TMEM131L: variants seen among roughly 807,000 people sequenced by gnomAD.
The protein encoded by TMEM131L is transmembrane protein 131-like.
In TMEM131L, 54 loss-of-function variants were observed where a neutral mutation model predicts 192.2. The ratio of observed to expected loss-of-function variants is 0.28; its 90% confidence interval spans 0.23 to 0.35. The LOEUF (loss-of-function observed/expected upper bound fraction) is 0.35, where lower values mean the gene tolerates loss of function less well. TMEM131L is among the 10% of genes least tolerant of loss of function. The probability of loss-of-function intolerance (pLI) is 1.00; values close to 1 mark genes in which losing one functional copy is unlikely to be tolerated. For missense variants in TMEM131L, 1,888 were observed against 1,972.9 expected (o/e 0.96, Z 0.82); for synonymous variants, 701 against 704.9 (o/e 0.99, Z 0.09).
chr4:153,594,856 C>T (rs1024106495), intron 19 of TMEM131L, among the ~76,000 whole-genome samples: 1 of 152,128 alleles, frequency 6.6e-6, no homozygotes, highest in African/African-American at 2.4e-5. Flanking sequence ...TTCTCATTTT[C>T]TCCACCAGGA....
chr4:153,480,119 C>G (rs1226978916), intron 3 of TMEM131L, among the ~76,000 whole-genome samples: 2 of 152,138 alleles, frequency 1.3e-5, no homozygotes, highest in Non-Finnish European at 2.9e-5. Context: ...GCGGGCAGAT[C>G]AGGAGGTCAG....
intron 3 of TMEM131L, among the ~76,000 whole-genome samples, chr4:153,531,127 A>C: frequency 6.6e-6 from 1 of 152,196 alleles, no homozygotes; most frequent in East Asian, 1.9e-4. Context: ...GTGGTTCCCA[A>C]ATGCATGTAC....
chr4:153,534,605 T>G (rs1736169473), intron 3 of TMEM131L, among the ~76,000 whole-genome samples: 1 of 152,128 alleles, frequency 6.6e-6, no homozygotes, highest in Non-Finnish European at 1.5e-5. Flanking sequence ...GGCTAATTTT[T>G]TGTATTTTTA....
chr4:153,482,813 G>C (rs1002641427), intron 3 of TMEM131L, among the ~76,000 whole-genome samples: 6 of 152,068 alleles, frequency 3.9e-5, no homozygotes, highest in African/African-American at 1.4e-4. Flanking sequence ...TGCCCACACT[G>C]TTCTCTAACT....
At chr4:153,565,956 T>A (rs1380636116) in intron 7 of TMEM131L, among the ~76,000 whole-genome samples, 1 of 152,188 alleles carries the variant, frequency 6.6e-6, no homozygotes, top group Admixed American at 6.5e-5. Context: ...TTGGGGAGTG[T>A]TTCAGTGACT....
At chr4:153,615,587 C>T (rs1732921638) in intron 26 of TMEM131L, among the ~76,000 whole-genome samples, 1 of 152,140 alleles carries the variant, frequency 6.6e-6, no homozygotes, top group African/African-American at 2.4e-5. Context: ...CTTTCAGGAG[C>T]AGAAATAGTC....
intron 7 of TMEM131L, among the ~76,000 whole-genome samples, chr4:153,576,922 G>T (rs1037086188): frequency 2.6e-5 from 4 of 152,102 alleles, no homozygotes; most frequent in Non-Finnish European, 5.9e-5. Context: ...GCTGTTTATT[G>T]AGTGCTGATG....
chr4:153,621,578 C>A, intron 27 of TMEM131L, 105 bp from the exon 28 acceptor site: 1 of 1,157,792 alleles, frequency 8.6e-7, no homozygotes, highest in Non-Finnish European at 1.2e-6. Context: ...CTCCTATTGT[C>A]CCAGATTCAT....
At chr4:153,542,484 CA>C (rs1222475115) in intron 3 of TMEM131L, among the ~76,000 whole-genome samples, 19 of 152,216 alleles carry the variant, frequency 1.2e-4, no homozygotes, top group Admixed American at 1.2e-3. Flanking sequence ...CATTCCCATT[CA>C]GCCACCCCAC....
In TMEM131L at chr4:153,516,824, T is replaced by TTTA. The variant is rs559280302; in HGVS notation, c.240-33237_240-33235dup. ...TTGTTCATCTTTTAAATTTTATTTATTTATTATTATTATTCTTTTGAGACG... is the reference window on the plus strand; with the variant it reads ...TTGTTCATCTTTTAAATTTTATTTATTTATTATTATTATTATTCTTTTGAGACG... On this transcript the variant is annotated intron_variant, in intron 3 of 34. Coordinates refer to ENST00000409959, the MANE Select transcript of TMEM131L (RefSeq NM_001131007.2). Among the ~76,000 whole-genome samples the TTTA allele has an allele frequency of 8.5e-5, 13 of 152,180 alleles. No individual in the cohort carries two copies. In the East Asian group the frequency reaches 2.5e-3, roughly 29 times the overall value.
intron 2 of TMEM131L, among the ~76,000 whole-genome samples, chr4:153,468,544 C>T (rs764576381): frequency 2.0e-5 from 3 of 152,094 alleles, no homozygotes; most frequent in Non-Finnish European, 4.4e-5. Flanking sequence ...ACTGCAAGAA[C>T]GACATTTAAC....
intron 3 of TMEM131L, among the ~76,000 whole-genome samples, chr4:153,477,705 T>C (rs929481941): frequency 6.6e-6 from 1 of 152,198 alleles, no homozygotes; most frequent in Admixed American, 6.5e-5. Flanking sequence ...TAAAAATGAA[T>C]TAAAGTTTCA....
At position 153,634,273 on chromosome 4, in the gene TMEM131L, T is replaced by A; in HGVS notation, c.4410T>A (p.Phe1470Leu). ...TGGAATTGAACGATTACAATGCCTT[T>A]CCAGAAGGTAAGGGCTCTTCAGACA... Reference protein sequence around the residue: ...CPLELNDYNAFPEENMNYANG... With the variant: ...CPLELNDYNALPEENMNYANG... Residue 1470 changes from phenylalanine to leucine, a missense_variant, in exon 33 of 35, where the codon TTT (phenylalanine) becomes TTA (leucine). By Grantham distance (22) the Phe-to-Leu change is conservative (BLOSUM62 0). Coordinates refer to ENST00000409959, the MANE Select transcript of TMEM131L (RefSeq NM_001131007.2). The A allele has an allele frequency of 1.2e-6, 2 of 1,612,606 alleles. No homozygotes were observed. The highest frequency in any genetic ancestry group is 1.7e-6 in the Non-Finnish European group (2 of 1,178,764).
At chr4:153,597,260 C>T (rs1731506988) in intron 20 of TMEM131L, among the ~76,000 whole-genome samples, 1 of 144,890 alleles carries the variant, frequency 6.9e-6, no homozygotes, top group Non-Finnish European at 1.5e-5. Flanking sequence ...TAATTTTTTT[C>T]TTTTTTTAAT....
At chr4:153,623,150 C>T in intron 29 of TMEM131L, 67 bp downstream of exon 29, 1 of 1,397,994 alleles carries the variant, frequency 7.2e-7, no homozygotes. Context: ...CGTACCCAGT[C>T]CACACAGTCT....
chr4:153,506,430 A>G (rs1733987123), intron 3 of TMEM131L, among the ~76,000 whole-genome samples: 1 of 152,240 alleles, frequency 6.6e-6, no homozygotes, highest in South Asian at 2.1e-4. Context: ...TCAGGTATCA[A>G]GAATAGAGAA....
rs1187580986 is a variant in TMEM131L at position 153,628,885 on chromosome 4, C to T, written c.4207+1198C>T. Among the ~76,000 whole-genome samples, 7 of 152,276 alleles carry T rather than the reference C, an allele frequency of 4.6e-5. No homozygotes were observed. The East Asian group carries it at 1.4e-3, about 29-fold the overall frequency. ...GTGTGTGTACTTCAAGTGCCTTTAC[C>T]TTGGCCCCACTGACAGAGTACATCT... On this transcript the variant is annotated intron_variant, in intron 31 of 34. Coordinates refer to ENST00000409959, the MANE Select transcript of TMEM131L (RefSeq NM_001131007.2).
chr4:153,636,276 T>G, intron 34 of TMEM131L, 25 bp from the exon 35 acceptor site: 3 of 1,586,570 alleles, frequency 1.9e-6, no homozygotes, highest in South Asian at 1.1e-5. Context: ...TTTAACTTAT[T>G]TTTCCTTCCT....
intron 17 of TMEM131L, 65 bp from the exon 18 acceptor site, chr4:153,592,410 C>A (rs939605303): frequency 2.9e-5 from 31 of 1,075,698 alleles, no homozygotes; most frequent in Middle Eastern, 2.0e-4. Context: ...GCTTTTTGGC[C>A]AGAATATCTC....
Sources: gnomAD v4.1 joint callset for allele counts (sites outside exome capture counted in the v4.1 genomes callset) on GRCh38, gnomAD v4.1.1 for gene constraint, MANE v1.5 for transcripts, NCBI Gene and HGNC (gene_info 2026-07-23, HGNC 2026-07-21) for gene names.